The following CCDC171 variants were observed in gnomAD, a reference collection of about 807,000 sequenced individuals.
CCDC171 encodes coiled-coil domain containing 171.
Under a neutral mutation model 168.2 loss-of-function variants are expected in CCDC171, and 177 were observed. The ratio of observed to expected loss-of-function variants is 1.05; its 90% CI spans 0.93 to 1.19. The LOEUF (loss-of-function observed/expected upper bound fraction) is 1.19. Among genes scored for constraint, CCDC171 ranks in the 50% most tolerant of loss-of-function variants. The pLI is 0.00. For missense variants in CCDC171, 1,991 were observed against 1,539.0 expected (o/e 1.29, Z -4.91); for synonymous variants, 687 against 540.8 (o/e 1.27, Z -3.75).
At chr9:15,984,889 G>A (rs1319884386) in intron 3 of CCDC171, among the ~76,000 whole-genome samples, 4 of 152,014 alleles carry the variant, frequency 2.6e-5, no homozygotes, top group Non-Finnish European at 4.4e-5. Context: ...TGCACAAATG[G>A]ATCTACATTT....
the CCDC171 span, among the ~76,000 whole-genome samples, chr9:16,097,700 G>A: frequency 2.6e-5 from 4 of 152,276 alleles, no homozygotes; most frequent in East Asian, 5.8e-4. Flanking sequence ...GTTTTGCCAG[G>A]GCAAGCCTTG....
At chr9:15,581,187 A>G (rs923794612) in intron 4 of CCDC171, among the ~76,000 whole-genome samples, 3 of 152,132 alleles carry the variant, frequency 2.0e-5, no homozygotes, top group African/African-American at 7.2e-5. Context: ...CACAATTGCT[A>G]CAAACAGAAT....
chr9:15,661,714 A>T (rs2048335002), intron 8 of CCDC171, among the ~76,000 whole-genome samples: 1 of 152,222 alleles, frequency 6.6e-6, no homozygotes, highest in Non-Finnish European at 1.5e-5. Context: ...AAAATGAGAA[A>T]GCAGACTTAA....
At chr9:15,714,433 C>T (rs1467117206) in intron 11 of CCDC171, among the ~76,000 whole-genome samples, 2 of 152,102 alleles carry the variant, frequency 1.3e-5, no homozygotes, top group African/African-American at 2.4e-5. Flanking sequence ...CCTACTGGAC[C>T]GACTAGAGAG....
At chr9:15,630,899 A>C (rs1412043288) in intron 7 of CCDC171, among the ~76,000 whole-genome samples, 1 of 152,242 alleles carries the variant, frequency 6.6e-6, no homozygotes, top group Non-Finnish European at 1.5e-5. Context: ...ATGGAAACTG[A>C]ACAACCTGCT....
intron 25 of CCDC171, among the ~76,000 whole-genome samples, chr9:15,942,269 A>C (rs999691138): frequency 2.0e-5 from 3 of 152,020 alleles, no homozygotes; most frequent in African/African-American, 7.2e-5. Context: ...TAAATTCCAA[A>C]TTATGTGGAT....
chr9:15,616,244 G>T (rs1384328528), intron 6 of CCDC171, among the ~76,000 whole-genome samples: 1 of 151,968 alleles, frequency 6.6e-6, no homozygotes, highest in African/African-American at 2.4e-5. Flanking sequence ...GAGCCACCAC[G>T]CCCAGCCATT....
At chr9:16,011,666 C>T (rs1832872727) in intron 3 of CCDC171, among the ~76,000 whole-genome samples, 1 of 152,098 alleles carries the variant, frequency 6.6e-6, no homozygotes, top group African/African-American at 2.4e-5. Context: ...TCTGTCCATA[C>T]AGTCATTCAG....
chr9:15,647,629 A>G (rs1192043830), intron 7 of CCDC171, among the ~76,000 whole-genome samples: 1 of 152,212 alleles, frequency 6.6e-6, no homozygotes, highest in Non-Finnish European at 1.5e-5. Context: ...CTCTATACAA[A>G]TAAACTAGAA....
chr9:15,809,155 C>G (rs868273990), intron 21 of CCDC171, among the ~76,000 whole-genome samples: 1 of 152,088 alleles, frequency 6.6e-6, no homozygotes, highest in Admixed American at 6.5e-5. Context: ...ATAAAACATT[C>G]AAATCATAGC....
At chr9:16,065,872 GA>G (rs1449155279), downstream of CCDC171, among the ~76,000 whole-genome samples, 5 of 151,222 alleles carry the variant, frequency 3.3e-5, no homozygotes, top group East Asian at 9.7e-4. Flanking sequence ...CACATATAAA[GA>G]CCACCAAAAA....
In CCDC171 at chr9:15,710,849, G is replaced by A. The variant is rs554039507; in HGVS notation, c.1319-10920G>A. On this transcript the variant is annotated intron_variant, in intron 11 of 25. Coordinates refer to ENST00000380701, the MANE Select transcript of CCDC171 (RefSeq NM_173550.4). ...GGACCTCAAGTGATCCACCTGCCTC[G>A]GCCTCCCAAAGTGCTGAGATTACAG... 9.2e-5 allele frequency among the ~76,000 whole-genome samples: 14 copies of A among 152,122 alleles called. No individual in the cohort carries two copies. In the East Asian group the frequency reaches 2.5e-3, roughly 27 times the overall value.
chr9:15,941,916 G>A (rs1438452370), intron 25 of CCDC171, among the ~76,000 whole-genome samples: 1 of 151,736 alleles, frequency 6.6e-6, no homozygotes, highest in Admixed American at 6.6e-5. Context: ...AGCACACATT[G>A]ACCACATTGC....
At position 16,048,251 on chromosome 9, in the gene CCDC171, G is replaced by A. The variant is rs920918312; in HGVS notation, n.89+5365G>A. Among the ~76,000 whole-genome samples, 25 of 152,192 alleles carry A rather than the reference G, an allele frequency of 1.6e-4. 1 individual carries two copies. Among genetic ancestry groups the A allele is most frequent in the African/African-American group, 5.8e-4 (24 of 41,442 alleles). On this transcript the variant is annotated intron_variant and non_coding_transcript_variant, in intron 1 of 1. Transcript: ENST00000478913. ...ACCATTCTCCCTGATGGCTGAACTC[G>A]TGGGAAACGTGTAGAGCTCTTAGTT...
At chr9:15,912,016 G>A (rs1589102531) in intron 24 of CCDC171, among the ~76,000 whole-genome samples, 1 of 152,144 alleles carries the variant, frequency 6.6e-6, no homozygotes, top group South Asian at 2.1e-4. Flanking sequence ...GCTTCAGATT[G>A]TCTTGGCTGT....
chr9:15,926,700 G>C (rs2987064), intron 25 of CCDC171, among the ~76,000 whole-genome samples: 111,238 of 151,480 alleles, frequency 0.73, 42,730 homozygotes, highest in East Asian at 0.85. Context: ...ACATTGTAGT[G>C]TTGTTATGAG....
At chr9:15,984,422 AT>A (rs1388276192) in intron 3 of CCDC171, among the ~76,000 whole-genome samples, 17 of 141,932 alleles carry the variant, frequency 1.2e-4, no homozygotes, top group African/African-American at 4.1e-4. Context: ...GTGTGTGTAC[AT>A]ATATATGTGT....
At chr9:15,927,395 C>T (rs1173309812) in intron 25 of CCDC171, among the ~76,000 whole-genome samples, 1 of 151,558 alleles carries the variant, frequency 6.6e-6, no homozygotes, top group Non-Finnish European at 1.5e-5. Flanking sequence ...GTTTGGAGAC[C>T]AGCACACCCA....
At chr9:16,015,259 T>A (rs1314904165) in intron 3 of CCDC171, among the ~76,000 whole-genome samples, 18 of 152,186 alleles carry the variant, frequency 1.2e-4, no homozygotes, top group Non-Finnish European at 1.0e-4. Context: ...TTAAACCTCA[T>A]GAACCAGTCT....
Sources: allele counts gnomAD v4.1 joint callset (sites outside exome capture counted in the v4.1 genomes callset), GRCh38; gene constraint gnomAD v4.1.1; transcripts MANE v1.5; gene names NCBI Gene and HGNC (gene_info 2026-07-23, HGNC 2026-07-21).